Variants in ATF7 observed in about 807,000 individuals in gnomAD.
ATF7 encodes cyclic AMP-dependent transcription factor ATF-7.
Under a neutral mutation model 50.4 loss-of-function variants are expected in ATF7, and 10 were observed. The observed-to-expected ratio is 0.20, with a 90% CI of 0.12 to 0.34. The LOEUF is 0.34. Ranked by LOEUF, ATF7 falls within the 10% of genes least tolerant of loss-of-function variation. The pLI, the probability that ATF7 is intolerant of heterozygous loss-of-function variation, is 1.00. For missense variants in ATF7, 465 were observed against 613.9 expected (o/e 0.76, Z 2.56); for synonymous variants, 201 against 226.4 (o/e 0.89, Z 1.01).
At chr12:53,574,871 T>C (rs1425240091) in intron 2 of ATF7, 3 of 352,638 alleles carry the variant, frequency 8.5e-6, no homozygotes, top group South Asian at 2.6e-5. Context: ...AAATTCAAGA[T>C]GGGGAGCATT....
intron 1 of ATF7, among the ~76,000 whole-genome samples, chr12:53,620,019 T>C (rs1266813420): frequency 6.6e-6 from 1 of 150,426 alleles, no homozygotes; most frequent in Non-Finnish European, 1.5e-5. Context: ...GCATGAGCCT[T>C]TAGTCTCAGC....
chr12:53,529,933 G>A (rs1301175668), intron 9 of ATF7, among the ~76,000 whole-genome samples: 1 of 150,490 alleles, frequency 6.6e-6, no homozygotes, highest in Non-Finnish European at 1.5e-5. Context: ...TAGTAGAGAT[G>A]GGGTTTCACC....
chr12:53,562,487 C>A (rs865828356), intron 2 of ATF7, among the ~76,000 whole-genome samples: 4 of 151,954 alleles, frequency 2.6e-5, no homozygotes, highest in Non-Finnish European at 5.9e-5. Flanking sequence ...TTAAAAAATA[C>A]AAAAAATTAG....
chr12:53,618,236 G>A (rs1944223818), intron 1 of ATF7, among the ~76,000 whole-genome samples: 1 of 152,080 alleles, frequency 6.6e-6, no homozygotes, highest in African/African-American at 2.4e-5. Flanking sequence ...TCAAGAGTAA[G>A]TTCCTTGATC....
At chr12:53,605,443 C>T (rs984478336) in intron 1 of ATF7, among the ~76,000 whole-genome samples, 93 of 150,464 alleles carry the variant, frequency 6.2e-4, no homozygotes, top group African/African-American at 2.2e-3. Flanking sequence ...AATTAATAAC[C>T]GTAATTTGCT....
At chr12:53,518,067 G>A (rs925381653) in intron 11 of ATF7, among the ~76,000 whole-genome samples, 1 of 151,312 alleles carries the variant, frequency 6.6e-6, no homozygotes, top group Non-Finnish European at 1.5e-5. Context: ...GTTTTGCCAC[G>A]TTAGCTAGGC....
chr12:53,612,858 G>C (rs1216950763), intron 1 of ATF7, among the ~76,000 whole-genome samples: 1 of 152,066 alleles, frequency 6.6e-6, no homozygotes, highest in Non-Finnish European at 1.5e-5. Flanking sequence ...ACAAAAATTA[G>C]TTGGGCATGG....
chr12:53,606,541 C>T (rs568018340), intron 1 of ATF7, among the ~76,000 whole-genome samples: 53 of 152,238 alleles, frequency 3.5e-4, no homozygotes, highest in African/African-American at 1.2e-3. Flanking sequence ...AGCCACTGTG[C>T]CTGGCCTGGC....
chr12:53,619,486 C>CAAAAAAAAAA (rs112474373), intron 1 of ATF7, among the ~76,000 whole-genome samples: 1 of 64,056 alleles, frequency 1.6e-5, no homozygotes. Context: ...GACTCCGTGT[C>CAAAAAAAAAA]AAAAAAAAAA....
At chr12:53,517,630 T>A in intron 11 of ATF7, 1 of 473,366 alleles carries the variant, frequency 2.1e-6, no homozygotes, top group Non-Finnish European at 3.9e-6. Flanking sequence ...GGTTTCTAGG[T>A]CTTTGCATAG....
intron 1 of ATF7, among the ~76,000 whole-genome samples, chr12:53,622,139 A>T (rs528356191): frequency 6.6e-6 from 1 of 151,982 alleles, no homozygotes; most frequent in Non-Finnish European, 1.5e-5. Context: ...CGTCTCTACT[A>T]AAAATACAAA....
chr12:53,607,581 CTATCTT>C (rs960791432), intron 1 of ATF7, among the ~76,000 whole-genome samples: 2 of 151,778 alleles, frequency 1.3e-5, no homozygotes, highest in African/African-American at 4.8e-5. Flanking sequence ...TTATAATAAA[CTATCTT>C]TAAGTTATAA....
intron 2 of ATF7, among the ~76,000 whole-genome samples, chr12:53,577,918 A>C (rs1942189374): frequency 6.6e-6 from 1 of 152,172 alleles, no homozygotes; most frequent in Admixed American, 6.5e-5. Context: ...TCCAAACTTC[A>C]GAAAATCAAA....
chr12:53,575,300 G>T (rs1238460631), intron 2 of ATF7, among the ~76,000 whole-genome samples: 1 of 151,900 alleles, frequency 6.6e-6, no homozygotes, highest in Non-Finnish European at 1.5e-5. Context: ...CCAGCTGCTG[G>T]GGAGGCTGAG....
At position 53,523,257 on chromosome 12, in the gene ATF7, T is replaced by A; in HGVS notation, c.1234+19A>T. The A allele has an allele frequency of 6.5e-7, 1 of 1,540,218 alleles. No individual in the cohort carries two copies. Among genetic ancestry groups the A allele is most frequent in the Non-Finnish European group, 9.0e-7 (1 of 1,113,234 alleles). On this transcript the variant is annotated intron_variant, in intron 11 of 11. Coordinates refer to ENST00000420353, the MANE Select transcript of ATF7 (RefSeq NM_006856.3). The stretch of plus-strand genomic sequence containing the variant: ...AGTTTACTGACTGACTGACTTAGCT[T>A]AGGTTGTGTGCCACTCACCTAAATA...
chr12:53,509,503 C>CT (rs1337552672), downstream of ATF7, among the ~76,000 whole-genome samples: 4,216 of 135,064 alleles, frequency 0.031, 109 homozygotes, highest in African/African-American at 0.067. Flanking sequence ...TACACTCCAG[C>CT]TTTTTTTTTT....
chr12:53,549,187 T>C (rs527583647), intron 3 of ATF7, among the ~76,000 whole-genome samples: 1 of 150,810 alleles, frequency 6.6e-6, no homozygotes, highest in African/African-American at 2.4e-5. Context: ...CTCGGGAGGC[T>C]GAGGCAGGAG....
rs1938923833 is a variant in ATF7, at chr12:53,531,911, A to G, written c.775-15T>C. 4 of 1,612,432 alleles carry G rather than the reference A, an allele frequency of 2.5e-6. No individual in the cohort carries two copies. Among genetic ancestry groups the G allele is most frequent in the Non-Finnish European group, 3.4e-6 (4 of 1,179,506 alleles). ...GCTTTCAGTCTCTGTGGGCAAAGAT[A>G]AGAAAAAATGCTTGTTAAGGATCAG... On this transcript the variant is annotated splice_polypyrimidine_tract_variant and intron_variant, in intron 8 of 11. Coordinates refer to ENST00000420353, the MANE Select transcript of ATF7 (RefSeq NM_006856.3).
At chr12:53,558,953 C>A (rs1352721189) in intron 2 of ATF7, among the ~76,000 whole-genome samples, 1 of 152,080 alleles carries the variant, frequency 6.6e-6, no homozygotes, top group Non-Finnish European at 1.5e-5. Flanking sequence ...AATCTCTCCT[C>A]CTCACAAACT....
Sources: allele counts gnomAD v4.1 joint callset (sites outside exome capture counted in the v4.1 genomes callset), GRCh38; gene constraint gnomAD v4.1.1; transcripts MANE v1.5; gene names NCBI Gene and HGNC (gene_info 2026-07-23, HGNC 2026-07-21).